The following VSNL1 variants were observed in gnomAD, a reference collection of about 807,000 sequenced individuals.
VSNL1 encodes the protein visinin-like protein 1.
A neutral mutation model predicts 20.4 loss-of-function variants in VSNL1; 6 were observed. That is an observed-to-expected ratio of 0.29 (90% CI 0.16 to 0.58). VSNL1 has a LOEUF of 0.58. Among genes scored for constraint, VSNL1 ranks in the 20% least tolerant of loss-of-function variants. The pLI, the probability that VSNL1 is intolerant of heterozygous loss-of-function variation, is 0.90. For missense variants in VSNL1, 100 were observed against 234.5 expected (o/e 0.43, Z 3.75); for synonymous variants, 93 against 86.4 (o/e 1.08, Z -0.42).
intron 2 of VSNL1, among the ~76,000 whole-genome samples, chr2:17,611,861 C>A (rs4268925): frequency 4.6e-5 from 7 of 152,092 alleles, no homozygotes; most frequent in Non-Finnish European, 8.8e-5. Flanking sequence ...ATATTTAATG[C>A]GTACATCCTG....
chr2:17,541,543 T>G (rs1000976381), intron 1 of VSNL1: 1 of 152,330 alleles, frequency 6.6e-6, no homozygotes, highest in Non-Finnish European at 1.5e-5. Flanking sequence ...AAGGGAAAGA[T>G]GCTCTACTGC....
intron 2 of VSNL1, among the ~76,000 whole-genome samples, chr2:17,620,221 A>G (rs9789726): frequency 0.3 from 45,722 of 152,168 alleles, 8,748 homozygotes; most frequent in Middle Eastern, 0.57. Flanking sequence ...ATGAACGGGC[A>G]AAACCCTGGA....
In VSNL1 at chr2:17,550,880, T is replaced by A. The variant is rs563849846; in HGVS notation, c.-6+9962T>A. Among the ~76,000 whole-genome samples, 11 of 152,318 alleles carry A rather than the reference T, an allele frequency of 7.2e-5. No individual in the cohort carries two copies. The South Asian group carries it at 2.3e-3, about 32-fold the overall frequency. Reference sequence around the variant, plus strand: ...AATGCAACAAAAAGTTGCTTCTCAGTCCTCTTAGCACATCTGAACACATAA... The same window carrying A: ...AATGCAACAAAAAGTTGCTTCTCAGACCTCTTAGCACATCTGAACACATAA... On this transcript the variant is annotated intron_variant, in intron 1 of 3. Transcript: ENST00000295156.
At chr2:17,617,885 ACGCG>A (rs1553302990) in intron 2 of VSNL1, among the ~76,000 whole-genome samples, 1 of 89,762 alleles carries the variant, frequency 1.1e-5, no homozygotes, top group African/African-American at 3.0e-5. Flanking sequence ...ATGCACATGC[ACGCG>A]CACACACACA....
At chr2:17,613,673 G>T (rs1401560945) in intron 2 of VSNL1, among the ~76,000 whole-genome samples, 2 of 152,188 alleles carry the variant, frequency 1.3e-5, no homozygotes, top group Non-Finnish European at 2.9e-5. Flanking sequence ...GGAGTGGGGA[G>T]TGGAGCCATA....
intron 1 of VSNL1, among the ~76,000 whole-genome samples, chr2:17,565,392 C>T (rs1172033820): frequency 6.6e-6 from 1 of 151,868 alleles, no homozygotes; most frequent in South Asian, 2.1e-4. Context: ...CACTCACCTA[C>T]CTTCTTCCTC....
At chr2:17,565,548 C>T (rs1663916660) in intron 1 of VSNL1, among the ~76,000 whole-genome samples, 2 of 152,052 alleles carry the variant, frequency 1.3e-5, no homozygotes, top group Admixed American at 1.3e-4. Context: ...TTGCTTCTCT[C>T]AAAAGTACTT....
intron 2 of VSNL1, among the ~76,000 whole-genome samples, chr2:17,636,162 C>G (rs1665743632): frequency 6.6e-6 from 1 of 151,922 alleles, no homozygotes; most frequent in Non-Finnish European, 1.5e-5. Context: ...AATAGTAAGC[C>G]AGGGTCTTGG....
At chr2:17,597,801 A>G (rs1664742418) in intron 2 of VSNL1, among the ~76,000 whole-genome samples, 1 of 152,152 alleles carries the variant, frequency 6.6e-6, no homozygotes, top group African/African-American at 2.4e-5. Context: ...CATTGCCTTC[A>G]ATTGCCCTGA....
intron 2 of VSNL1, among the ~76,000 whole-genome samples, chr2:17,648,761 C>A (rs2018091): frequency 0.04 from 6,144 of 152,318 alleles, 159 homozygotes; most frequent in Middle Eastern, 0.078. Flanking sequence ...GCCTCCCACA[C>A]ACCCCTGGTG....
At position 17,655,167 on chromosome 2, in the gene VSNL1, A is replaced by G. The variant is rs1572227859; in HGVS notation, c.379-30A>G. ...CTCTCTGTCCTCCTGGGTTTCTGGT[A>G]ATATCACCTACAATGCTTTTTTCCC... On this transcript the variant is annotated intron_variant, in intron 3 of 3. Transcript: ENST00000295156. This position sits in a 1 kb window ranked among gnomAD's most constrained non-coding sequence, Gnocchi z 5.2. 2 of 1,608,866 alleles carry G rather than the reference A, an allele frequency of 1.2e-6. No homozygotes were observed. The highest frequency in any genetic ancestry group is 1.3e-5 in the African/African-American group (1 of 74,418).
At chr2:17,626,273 C>T (rs1327283740) in intron 2 of VSNL1, among the ~76,000 whole-genome samples, 4 of 152,122 alleles carry the variant, frequency 2.6e-5, no homozygotes, top group African/African-American at 9.7e-5. Flanking sequence ...GAGTTCTGGC[C>T]GTAGCTAGCG....
At chr2:17,588,505 G>T (rs756169875) in intron 1 of VSNL1, among the ~76,000 whole-genome samples, 2 of 152,146 alleles carry the variant, frequency 1.3e-5, no homozygotes, top group African/African-American at 4.8e-5. Context: ...TGTACTGTTT[G>T]TACTCTTTCT....
intron 2 of VSNL1, among the ~76,000 whole-genome samples, chr2:17,599,402 C>A (rs989739741): frequency 4.6e-5 from 7 of 152,192 alleles, no homozygotes; most frequent in African/African-American, 1.7e-4. Flanking sequence ...TGTTTTTGAG[C>A]CCCTGTTCCT....
At chr2:17,614,061 T>A (rs1257173109) in intron 2 of VSNL1, among the ~76,000 whole-genome samples, 1 of 152,074 alleles carries the variant, frequency 6.6e-6, no homozygotes, top group African/African-American at 2.4e-5. Flanking sequence ...CTGGAAGAAA[T>A]CAGATTTGAG....
chr2:17,628,133 GGT>G (rs1196726362), intron 2 of VSNL1, among the ~76,000 whole-genome samples: 2 of 152,224 alleles, frequency 1.3e-5, no homozygotes, highest in African/African-American at 4.8e-5. Context: ...ACAAATAAAA[GGT>G]TAAGAAGCTC....
At chr2:17,570,213 T>A (rs530624066) in intron 1 of VSNL1, among the ~76,000 whole-genome samples, 1 of 152,290 alleles carries the variant, frequency 6.6e-6, no homozygotes, top group African/African-American at 2.4e-5. Context: ...TAAACAAAGC[T>A]TTTTAGTTTT....
In VSNL1 at chr2:17,649,933, G is replaced by T. The variant is rs116358691; in HGVS notation, c.378+308G>T. Reference sequence around the variant, plus strand: ...ATGGGCTGTTTCTCTGGCACTTGGTGTATCTCTGCTCTGCCTCACTCCAGC... The same window carrying T: ...ATGGGCTGTTTCTCTGGCACTTGGTTTATCTCTGCTCTGCCTCACTCCAGC... On this transcript the variant is annotated intron_variant, in intron 3 of 3. Transcript: ENST00000295156. This position sits in a 1 kb window ranked among gnomAD's most constrained non-coding sequence, Gnocchi z 6.4. Among the ~76,000 whole-genome samples the T allele has an allele frequency of 6.6e-6, 1 of 152,200 alleles. No individual in the cohort carries two copies. Among genetic ancestry groups the T allele is most frequent in the African/African-American group, 2.4e-5 (1 of 41,454 alleles).
intron 2 of VSNL1, among the ~76,000 whole-genome samples, chr2:17,638,700 T>C (rs1402335367): frequency 6.6e-6 from 1 of 152,206 alleles, no homozygotes; most frequent in Non-Finnish European, 1.5e-5. Flanking sequence ...AGGAACCTAC[T>C]AGCAAACTCT....
Sources: gnomAD v4.1 joint callset for allele counts (sites outside exome capture counted in the v4.1 genomes callset) on GRCh38, gnomAD v4.1.1 for gene constraint, Gnocchi (gnomAD v3.1) non-coding constraint, MANE v1.5 for transcripts, NCBI Gene and HGNC (gene_info 2026-07-23, HGNC 2026-07-21) for gene names.